Variants in ZFAT observed in about 807,000 individuals in gnomAD.
ZFAT encodes the protein zinc finger and AT-hook domain containing.
Under a neutral mutation model 117.7 loss-of-function variants are expected in ZFAT, and 64 were observed. That is an observed-to-expected ratio of 0.54 (90% CI 0.44 to 0.67). ZFAT has a LOEUF of 0.67. Among genes scored for constraint, ZFAT ranks in the 30% least tolerant of loss-of-function variants. The pLI, the probability that ZFAT is intolerant of heterozygous loss-of-function variation, is 0.00. For missense variants in ZFAT, 1,433 were observed against 1,584.5 expected (o/e 0.90, Z 1.62); for synonymous variants, 679 against 615.0 (o/e 1.10, Z -1.54).
chr8:134,730,095 C>T, the ZFAT span, among the ~76,000 whole-genome samples: 3 of 152,148 alleles, frequency 2.0e-5, no homozygotes, highest in Admixed American at 1.3e-4. Flanking sequence ...CGCGCTGCTC[C>T]CACTTGTGTC....
intron 9 of ZFAT, among the ~76,000 whole-genome samples, chr8:134,585,903 A>G (rs1388347011): frequency 1.3e-5 from 2 of 152,258 alleles, no homozygotes; most frequent in Admixed American, 1.3e-4. Flanking sequence ...TGTCACAGGT[A>G]TGCACAAAAT....
intron 1 of ZFAT, among the ~76,000 whole-genome samples, chr8:134,683,707 G>A (rs532006217): frequency 5.9e-5 from 9 of 152,074 alleles, no homozygotes; most frequent in Admixed American, 2.6e-4. Context: ...GCCACAGACC[G>A]GTACCTGGAC....
intron 1 of ZFAT, among the ~76,000 whole-genome samples, chr8:134,706,878 C>CA (rs778702954): frequency 0.019 from 2,355 of 125,168 alleles, 59 homozygotes; most frequent in African/African-American, 0.06. Flanking sequence ...TATAGTACGC[C>CA]AAAAAAAAAA....
intron 1 of ZFAT, among the ~76,000 whole-genome samples, chr8:134,709,681 CTTT>C (rs1026484486): frequency 2.6e-5 from 4 of 152,196 alleles, no homozygotes; most frequent in African/African-American, 9.7e-5. Context: ...ATTAAGGAGA[CTTT>C]TTAATATATC....
At chr8:134,492,757 GA>G (rs1462886591) in intron 15 of ZFAT, among the ~76,000 whole-genome samples, 2 of 152,214 alleles carry the variant, frequency 1.3e-5, no homozygotes, top group East Asian at 3.8e-4. Context: ...ATAGAGGAAA[GA>G]AAATGCATAA....
At chr8:134,767,910 A>G in the ZFAT span, among the ~76,000 whole-genome samples, 4 of 152,188 alleles carry the variant, frequency 2.6e-5, no homozygotes, top group African/African-American at 9.7e-5. Context: ...CTTCTACAAA[A>G]TTGACCCCAT....
At chr8:134,529,054 T>C (rs1315688251) in intron 12 of ZFAT, among the ~76,000 whole-genome samples, 2 of 152,194 alleles carry the variant, frequency 1.3e-5, no homozygotes, top group African/African-American at 4.8e-5. Flanking sequence ...GGAGGTAGGT[T>C]ATGAGCCTTC....
chr8:134,824,165 C>T, the ZFAT span, among the ~76,000 whole-genome samples: 3 of 152,190 alleles, frequency 2.0e-5, no homozygotes, highest in Non-Finnish European at 2.9e-5. Context: ...TGAGTGCTGC[C>T]TAGCTCAAGT....
chr8:134,752,696 T>C, the ZFAT span, among the ~76,000 whole-genome samples: 5 of 152,192 alleles, frequency 3.3e-5, no homozygotes, highest in Admixed American at 2.0e-4. Context: ...GCAGGTTTGA[T>C]GTCTGGTGAG....
Position 134,712,884 on chromosome 8 carries a change from GAAA to G in ZFAT, c.-24_-22del, listed in dbSNP as rs746459398. The G allele has an allele frequency of 1.8e-5, 27 of 1,506,392 alleles. No homozygotes were observed. The highest frequency in any genetic ancestry group is 2.9e-5 in the African/African-American group (2 of 68,964). The allele number at this position is 1,506,392 out of a possible 1,614,324, so 93.3% of individuals were successfully genotyped here. ...TCCATGGCAACGCCCCACCGCGGAG[GAAA>G]AAAAAGCCTCGGGCTCTTCCGGGCC... On this transcript the variant is annotated 5_prime_UTR_variant, in exon 1 of 16. Transcript: ENST00000377838.
chr8:134,788,244 C>A, the ZFAT span, among the ~76,000 whole-genome samples: 2 of 152,098 alleles, frequency 1.3e-5, no homozygotes, highest in Non-Finnish European at 2.9e-5. Context: ...AGCCTTGCTT[C>A]TTTTCTAATG....
intron 7 of ZFAT, chr8:134,597,579 T>A (rs1486310633): frequency 6.6e-6 from 1 of 152,134 alleles, no homozygotes; most frequent in Non-Finnish European, 1.5e-5. Flanking sequence ...GACGTCACTG[T>A]CCCTCTCACG....
intron 1 of ZFAT, among the ~76,000 whole-genome samples, chr8:134,688,422 C>T (rs1167339753): frequency 1.3e-5 from 2 of 152,112 alleles, no homozygotes; most frequent in Non-Finnish European, 2.9e-5. Flanking sequence ...AAGACACAGG[C>T]AATTCAGAAG....
At chr8:134,589,283 G>A (rs1440522095) in intron 8 of ZFAT, among the ~76,000 whole-genome samples, 1 of 152,230 alleles carries the variant, frequency 6.6e-6, no homozygotes, top group African/African-American at 2.4e-5. Flanking sequence ...GGCCTTCAGA[G>A]AAGCACATAG....
At chr8:134,701,905 T>C (rs570750791) in intron 1 of ZFAT, among the ~76,000 whole-genome samples, 168 of 152,366 alleles carry the variant, frequency 1.1e-3, no homozygotes, top group African/African-American at 3.9e-3. Flanking sequence ...AATGTGGCAC[T>C]GCTGAGAGGT....
intron 15 of ZFAT, among the ~76,000 whole-genome samples, chr8:134,483,458 C>T (rs943472944): frequency 6.6e-6 from 1 of 152,216 alleles, no homozygotes; most frequent in Non-Finnish European, 1.5e-5. Context: ...CTCTTTACTC[C>T]TCCTGATTAG....
intron 15 of ZFAT, among the ~76,000 whole-genome samples, chr8:134,491,000 C>G (rs12544212): frequency 0.17 from 26,591 of 152,206 alleles, 2,465 homozygotes; most frequent in Admixed American, 0.26. Context: ...TTTTAGAAAG[C>G]TGCAGGTGTG....
chr8:134,592,962 A>C (rs1397511115), intron 7 of ZFAT, among the ~76,000 whole-genome samples: 1 of 152,248 alleles, frequency 6.6e-6, no homozygotes, highest in Non-Finnish European at 1.5e-5. Context: ...GCACCACTTA[A>C]GAAACTGTCC....
intron 12 of ZFAT, among the ~76,000 whole-genome samples, chr8:134,527,011 G>A (rs1351038287): frequency 2.0e-5 from 3 of 152,098 alleles, no homozygotes; most frequent in Non-Finnish European, 4.4e-5. Flanking sequence ...TTCAGTTCAG[G>A]ATCTTGAGAG....
Sources: allele counts gnomAD v4.1 joint callset (sites outside exome capture counted in the v4.1 genomes callset), GRCh38; gene constraint gnomAD v4.1.1; transcripts MANE v1.5; gene names NCBI Gene and HGNC (gene_info 2026-07-23, HGNC 2026-07-21).